The following AOPEP variants were observed in gnomAD, a reference collection of about 807,000 sequenced individuals.
The protein encoded by AOPEP is aminopeptidase O (putative), also known as aminopeptidase O.
Under a neutral mutation model 98.1 loss-of-function variants are expected in AOPEP, and 77 were observed. That is an observed-to-expected ratio of 0.78 (90% confidence interval 0.65 to 0.95). The LOEUF is 0.95. Ranked by LOEUF, AOPEP falls within the 40% of genes least tolerant of loss-of-function variation. The pLI, the probability that AOPEP is intolerant of heterozygous loss-of-function variation, is 0.00. For synonymous variants in AOPEP, 346 were observed against 365.3 expected, an observed-to-expected ratio of 0.95 and a Z score of 0.60; for missense variants, 1,024 against 1,024.7, an observed-to-expected ratio of 1.00 and a Z score of 0.01.
At chr9:94,889,512 G>A (rs1344787815) in intron 5 of AOPEP, among the ~76,000 whole-genome samples, 1 of 152,066 alleles carries the variant, frequency 6.6e-6, no homozygotes, top group Admixed American at 6.6e-5. Flanking sequence ...TTTGGAGATG[G>A]AGTCTTGCTC....
At chr9:94,745,511 G>T (rs1489715439) in intron 1 of AOPEP, among the ~76,000 whole-genome samples, 1 of 152,068 alleles carries the variant, frequency 6.6e-6, no homozygotes. Context: ...TCCTGACCTC[G>T]TGATCTGCCT....
rs1053710015 is a variant in AOPEP at position 94,980,690 on chromosome 9, C to T, written c.1977+1263C>T. On this transcript the variant is annotated intron_variant, in intron 11 of 16. Coordinates refer to ENST00000375315, the MANE Select transcript of AOPEP (RefSeq NM_001193329.3). This position sits in a 1 kb window ranked among gnomAD's most constrained non-coding sequence, Gnocchi z 4.3. ...TGGGAGGAAAAAAGAAAAAACATCC[C>T]GAGTTTTACAAATAAAACAGACCAG... Among the ~76,000 whole-genome samples, 1 of 152,172 alleles carries T rather than the reference C, an allele frequency of 6.6e-6. No homozygotes were observed. The highest frequency in any genetic ancestry group is 1.5e-5 in the Non-Finnish European group (1 of 68,026).
At chr9:95,006,859 T>C (rs2062061969) in intron 13 of AOPEP, among the ~76,000 whole-genome samples, 1 of 151,972 alleles carries the variant, frequency 6.6e-6, no homozygotes, top group Non-Finnish European at 1.5e-5. Context: ...AAAAGAATTA[T>C]GGCTTGCTTG....
chr9:94,844,658 G>A (rs2042642369), intron 5 of AOPEP, among the ~76,000 whole-genome samples: 1 of 152,116 alleles, frequency 6.6e-6, no homozygotes, highest in Non-Finnish European at 1.5e-5. Flanking sequence ...CCCCATGCTG[G>A]CATATTATTT....
chr9:94,790,128 GC>G (rs1845370598), intron 3 of AOPEP, among the ~76,000 whole-genome samples: 1 of 151,652 alleles, frequency 6.6e-6, no homozygotes, highest in African/African-American at 2.4e-5. Context: ...GCCCGCCTCG[GC>G]CTCCCAAAGT....
chr9:95,081,985 T>A (rs1030756993), intron 15 of AOPEP, among the ~76,000 whole-genome samples: 1 of 152,038 alleles, frequency 6.6e-6, no homozygotes, highest in Non-Finnish European at 1.5e-5. Context: ...GATGTGAGTG[T>A]TTGCGGCATT....
intron 11 of AOPEP, among the ~76,000 whole-genome samples, chr9:94,982,412 G>T (rs756864271): frequency 5.9e-5 from 9 of 152,166 alleles, no homozygotes; most frequent in African/African-American, 2.4e-5. Flanking sequence ...GCAGCCCGCT[G>T]TGTGTCCGCC....
At chr9:94,929,783 G>T (rs1406704932) in intron 7 of AOPEP, among the ~76,000 whole-genome samples, 1 of 152,256 alleles carries the variant, frequency 6.6e-6, no homozygotes, top group African/African-American at 2.4e-5. Context: ...CAGGTGGTGC[G>T]CAGCACTGTG....
At chr9:95,130,816 A>ACTC in the AOPEP span, among the ~76,000 whole-genome samples, 1 of 152,062 alleles carries the variant, frequency 6.6e-6, no homozygotes, top group Non-Finnish European at 1.5e-5. Flanking sequence ...TCACCAGTGA[A>ACTC]CTCCTCTATT....
intron 3 of AOPEP, among the ~76,000 whole-genome samples, chr9:94,783,498 G>A (rs1197334349): frequency 6.6e-6 from 1 of 152,174 alleles, no homozygotes; most frequent in Non-Finnish European, 1.5e-5. Context: ...GTCACGCTAT[G>A]GGTATTCACG....
intron 14 of AOPEP, among the ~76,000 whole-genome samples, chr9:95,074,534 C>T (rs1451577320): frequency 3.3e-5 from 5 of 152,202 alleles, no homozygotes; most frequent in East Asian, 3.8e-4. Flanking sequence ...TGTGTTACCC[C>T]GACCTGTACG....
intron 1 of AOPEP, among the ~76,000 whole-genome samples, chr9:94,740,361 C>A (rs1832787583): frequency 3.3e-5 from 5 of 152,096 alleles, no homozygotes; most frequent in Non-Finnish European, 7.4e-5. Context: ...AAGGCATGCT[C>A]ACAGGCAAGT....
intron 14 of AOPEP, among the ~76,000 whole-genome samples, chr9:95,076,675 G>A (rs2134160790): frequency 6.6e-6 from 1 of 152,350 alleles, no homozygotes; most frequent in South Asian, 2.1e-4. Flanking sequence ...AATACATTGT[G>A]TGTGTGTAAA....
At chr9:94,934,992 ACG>A (rs2056032737) in intron 7 of AOPEP, 1 of 152,230 alleles carries the variant, frequency 6.6e-6, no homozygotes, top group African/African-American at 2.4e-5. Flanking sequence ...TTGTTCTGAT[ACG>A]GGTTGGCTGT....
intron 5 of AOPEP, among the ~76,000 whole-genome samples, chr9:94,842,120 G>A (rs535480663): frequency 6.4e-4 from 98 of 152,196 alleles, no homozygotes; most frequent in South Asian, 4.6e-3. Flanking sequence ...CCAGCACTTC[G>A]GGAGGCCTAG....
At chr9:94,799,386 C>T (rs1416217503) in intron 4 of AOPEP, among the ~76,000 whole-genome samples, 1 of 150,620 alleles carries the variant, frequency 6.6e-6, no homozygotes, top group Non-Finnish European at 1.5e-5. Context: ...GAGACCCCAT[C>T]TCCAGACCCC....
intron 5 of AOPEP, chr9:94,921,361 T>A (rs1051049325): frequency 2.0e-5 from 3 of 152,294 alleles, no homozygotes; most frequent in African/African-American, 7.2e-5. Context: ...AGTGCAGTGT[T>A]TTACAGGTCC....
At chr9:94,818,150 C>T (rs910822467) in intron 5 of AOPEP, among the ~76,000 whole-genome samples, 2 of 152,340 alleles carry the variant, frequency 1.3e-5, no homozygotes, top group Admixed American at 6.5e-5. Context: ...TGTCCTGTTA[C>T]TCCCTGGTAA....
At chr9:94,788,165 G>A (rs1472577662) in intron 3 of AOPEP, among the ~76,000 whole-genome samples, 1 of 151,738 alleles carries the variant, frequency 6.6e-6, no homozygotes, top group East Asian at 1.9e-4. Flanking sequence ...TGACCTCCTG[G>A]GCCCAAGTGA....
Sources: allele counts gnomAD v4.1 joint callset (sites outside exome capture counted in the v4.1 genomes callset), GRCh38; gene constraint gnomAD v4.1.1; non-coding constraint Gnocchi (gnomAD v3.1); transcripts MANE v1.5; gene names NCBI Gene and HGNC (gene_info 2026-07-23, HGNC 2026-07-21).